LAMA2: variants seen among roughly 807,000 people sequenced by gnomAD.
The protein encoded by LAMA2 is laminin subunit alpha 2.
A neutral mutation model predicts 364.8 loss-of-function variants in LAMA2; 269 were observed. That is an observed-to-expected ratio of 0.74 (90% CI 0.67 to 0.82). LAMA2 has a LOEUF of 0.82. Ranked by LOEUF, LAMA2 falls within the 40% of genes least tolerant of loss-of-function variation. LAMA2 has a pLI of 0.00. For missense variants in LAMA2, 3,807 were observed against 3,873.2 expected (o/e 0.98, Z 0.45); for synonymous variants, 1,379 against 1,370.6 (o/e 1.01, Z -0.14).
chr6:129,037,197 TG>T (rs1479019983), intron 1 of LAMA2, among the ~76,000 whole-genome samples: 1 of 152,184 alleles, frequency 6.6e-6, no homozygotes, highest in Non-Finnish European at 1.5e-5. Flanking sequence ...GAAGCTGAAA[TG>T]GAAAGTTAGA....
intron 1 of LAMA2, among the ~76,000 whole-genome samples, chr6:129,020,443 G>C (rs1020764406): frequency 6.6e-6 from 1 of 152,110 alleles, no homozygotes; most frequent in Admixed American, 6.5e-5. Flanking sequence ...CTTAAAGAGG[G>C]GCCAGATGGT....
At chr6:128,997,314 C>G (rs1017937203) in intron 1 of LAMA2, among the ~76,000 whole-genome samples, 86 of 125,894 alleles carry the variant, frequency 6.8e-4, no homozygotes, top group Middle Eastern at 5.0e-3. Context: ...AAGAAAGAAA[C>G]AAAGAGAGAG....
intron 1 of LAMA2, among the ~76,000 whole-genome samples, chr6:128,995,727 A>C (rs1783895265): frequency 6.6e-6 from 1 of 152,146 alleles, no homozygotes; most frequent in Non-Finnish European, 1.5e-5. Context: ...TCTTCTTTAA[A>C]TCAGTAATTT....
chr6:129,068,678 C>T (rs535510827), intron 3 of LAMA2, among the ~76,000 whole-genome samples: 30 of 152,288 alleles, frequency 2.0e-4, no homozygotes, highest in African/African-American at 6.7e-4. Flanking sequence ...AGTAAATTTT[C>T]TTCCAGTTCC....
At chr6:129,456,667 A>C (rs138336262) in intron 48 of LAMA2, among the ~76,000 whole-genome samples, 173 bp downstream of exon 48, 2 of 152,302 alleles carry the variant, frequency 1.3e-5, no homozygotes, top group South Asian at 2.1e-4. Flanking sequence ...TGACGATTCA[A>C]CCTGGAAACA....
intron 14 of LAMA2, among the ~76,000 whole-genome samples, chr6:129,254,122 C>T (rs1440048893): frequency 6.6e-6 from 1 of 152,164 alleles, no homozygotes; most frequent in Non-Finnish European, 1.5e-5. Flanking sequence ...AGTAGGCTTT[C>T]GACTTGGTAT....
At chr6:129,186,289 A>C (rs147207077) in intron 10 of LAMA2, among the ~76,000 whole-genome samples, 21 of 151,922 alleles carry the variant, frequency 1.4e-4, no homozygotes, top group African/African-American at 5.1e-4. Context: ...AAAGGAAAAT[A>C]GAAATCTCAT....
At position 129,297,715 on chromosome 6, in the gene LAMA2, G is replaced by A; in HGVS notation, c.2887G>A (p.Gly963Ser). ...GACCTTTGGCCTACAATCAGCAAGGGGCTGTGTTCCCTGCAACTGCAATTC... is the reference window on the plus strand; with the variant it reads ...GACCTTTGGCCTACAATCAGCAAGGAGCTGTGTTCCCTGCAACTGCAATTC... ...AGTFGLQSAR[G>S]CVPCNCNSFG... Residue 963 changes from glycine to serine, a missense_variant, in exon 21 of 65, where the codon GGC becomes AGC. Gly to Ser is a moderately conservative substitution (Grantham distance 56). Transcript: ENST00000421865. The A allele has an allele frequency of 1.2e-6, 2 of 1,614,010 alleles. No homozygotes were observed. The highest frequency in any genetic ancestry group is 1.7e-6 in the Non-Finnish European group (2 of 1,179,966).
chr6:129,287,810 C>A, intron 18 of LAMA2, 37 bp from the exon 19 acceptor site: 3 of 1,517,438 alleles, frequency 2.0e-6, no homozygotes, highest in Non-Finnish European at 2.7e-6. Context: ...CAACTGAGGT[C>A]CCCCCAAAGG....
chr6:129,440,722 G>A, intron 42 of LAMA2, 94 bp from the exon 43 acceptor site: 1 of 1,112,618 alleles, frequency 9.0e-7, no homozygotes, highest in Non-Finnish European at 1.4e-6. Context: ...ATGTGTCCGA[G>A]GTCAGCCAGC....
chr6:129,205,609 C>G (rs1207890621), intron 12 of LAMA2, among the ~76,000 whole-genome samples: 1 of 151,576 alleles, frequency 6.6e-6, no homozygotes, highest in Non-Finnish European at 1.5e-5. Flanking sequence ...CTGCCAATCA[C>G]TGAGAGACTG....
rs144943820 is a variant in LAMA2 at position 128,903,345 on chromosome 6, T to C, written c.112+19988T>C. Among the ~76,000 whole-genome samples the C allele has an allele frequency of 2.0e-3, 299 of 152,320 alleles. 3 individuals are homozygous for C. Among genetic ancestry groups the C allele is most frequent in the African/African-American group, 7.0e-3 (289 of 41,580 alleles). On this transcript the variant is annotated intron_variant, in intron 1 of 64. Transcript: ENST00000421865. ...CGTTGACATTTAGTAGAATTACAGA[T>C]CTTAGTGTCTTTGTACATTCTGTAT... is the stretch of plus-strand genomic sequence containing the variant.
intron 58 of LAMA2, among the ~76,000 whole-genome samples, chr6:129,497,573 A>AGACTT (rs1785287584): frequency 6.6e-6 from 1 of 152,226 alleles, no homozygotes; most frequent in African/African-American, 2.4e-5. Flanking sequence ...TTAAGAACTA[A>AGACTT]GACTTAAAAG....
chr6:129,103,136 T>C (rs2114883288), intron 4 of LAMA2, among the ~76,000 whole-genome samples: 1 of 152,364 alleles, frequency 6.6e-6, no homozygotes, highest in East Asian at 1.9e-4. Context: ...GTCCTTGATG[T>C]TGAGAAGGTT....
At chr6:129,244,824 G>A (rs1785634313) in intron 12 of LAMA2, among the ~76,000 whole-genome samples, 1 of 152,122 alleles carries the variant, frequency 6.6e-6, no homozygotes, top group Non-Finnish European at 1.5e-5. Context: ...AGTCATGTGG[G>A]AAAACTTTCC....
At chr6:129,341,986 A>G (rs771960898) in intron 29 of LAMA2, among the ~76,000 whole-genome samples, 2 of 152,252 alleles carry the variant, frequency 1.3e-5, no homozygotes, top group Admixed American at 6.5e-5. Context: ...CTGGGATATG[A>G]AGAAACATAA....
At chr6:129,113,478 A>G (rs1307232939) in intron 4 of LAMA2, among the ~76,000 whole-genome samples, 3 of 152,018 alleles carry the variant, frequency 2.0e-5, no homozygotes, top group African/African-American at 7.2e-5. Flanking sequence ...CAGAAACGCC[A>G]AAAGTCAAGT....
At chr6:129,252,787 T>C (rs1786361748) in intron 14 of LAMA2, among the ~76,000 whole-genome samples, 1 of 152,168 alleles carries the variant, frequency 6.6e-6, no homozygotes, top group Non-Finnish European at 1.5e-5. Flanking sequence ...ACTTTAAGAC[T>C]ATAACAGCCA....
At position 128,938,190 on chromosome 6, in the gene LAMA2, C is replaced by CA. The variant is rs139459136; in HGVS notation, c.112+54834dup. Among the ~76,000 whole-genome samples the CA allele has an allele frequency of 5.1e-4, 78 of 152,154 alleles. 1 individual carries two copies. In the East Asian group the frequency reaches 0.013, roughly 26 times the overall value. ...TAAGCCATTTAAACTCTCAGTGCCT[C>CA]AGTCCCCTTATCTGTAAAAATGAGT... On this transcript the variant is annotated intron_variant, in intron 1 of 64. Transcript: ENST00000421865.
Sources: allele counts gnomAD v4.1 joint callset (sites outside exome capture counted in the v4.1 genomes callset), GRCh38; gene constraint gnomAD v4.1.1; transcripts MANE v1.5; gene names NCBI Gene and HGNC (gene_info 2026-07-23, HGNC 2026-07-21).